The following RYR3 variants were observed in gnomAD, a reference collection of about 807,000 sequenced individuals.
The protein encoded by RYR3 is ryanodine receptor 3.
A neutral mutation model predicts 584.3 loss-of-function variants in RYR3; 207 were observed. The ratio of observed to expected loss-of-function variants is 0.35; its 90% CI spans 0.32 to 0.40. The LOEUF (loss-of-function observed/expected upper bound fraction) is 0.40, where lower values mean the gene tolerates loss of function less well. RYR3 is among the 10% of genes least tolerant of loss of function. The pLI, the probability that RYR3 is intolerant of heterozygous loss-of-function variation, is 1.00. For synonymous variants in RYR3, 2,416 were observed against 2,248.5 expected (o/e 1.07, Z -2.11); for missense variants, 5,616 against 6,089.2 (o/e 0.92, Z 2.59).
chr15:33,831,130 C>T, intron 86 of RYR3, 39 bp downstream of exon 86: 1 of 1,588,478 alleles, frequency 6.3e-7, no homozygotes. Context: ...ACAAAGAGAA[C>T]ATTGTTGATA....
chr15:33,374,458 G>T (rs2040579372), intron 1 of RYR3, among the ~76,000 whole-genome samples: 1 of 151,718 alleles, frequency 6.6e-6, no homozygotes, highest in African/African-American at 2.4e-5. Context: ...ACGTCAGCCA[G>T]ATCTCATTTT....
In RYR3 at chr15:33,811,122, CT is replaced by C. The variant is rs1357780944; in HGVS notation, c.10257+87del. 10 of 1,107,328 alleles carry C rather than the reference CT, an allele frequency of 9.0e-6. No homozygotes were observed. The Admixed American group carries it at 2.0e-4, about 22-fold the overall frequency. The allele number at this position is 1,107,328 out of a possible 1,614,324, so 68.6% of individuals were successfully genotyped here. ...CAGCTTTTCACTTCATTTACTCATGCTTCTTATATGTGTTCCAAAAACAGTT... is the reference window on the plus strand; with the variant it reads ...CAGCTTTTCACTTCATTTACTCATGCTCTTATATGTGTTCCAAAAACAGTT... On this transcript the variant is annotated intron_variant, in intron 72 of 103. Transcript: ENST00000634891.
intron 1 of RYR3, among the ~76,000 whole-genome samples, chr15:33,353,203 G>A (rs983875287): frequency 1.3e-5 from 2 of 152,150 alleles, no homozygotes; most frequent in African/African-American, 4.8e-5. Context: ...AGCCAAGTCC[G>A]ATTTTTGCCT....
At chr15:33,629,882 C>T in intron 21 of RYR3, 58 bp from the exon 22 acceptor site, 1 of 893,726 alleles carries the variant, frequency 1.1e-6, no homozygotes, top group Non-Finnish European at 1.8e-6. Context: ...TTCTGTTTTC[C>T]CATGCAGTGC....
chr15:33,854,529 C>A, intron 97 of RYR3, 80 bp downstream of exon 97: 1 of 1,216,510 alleles, frequency 8.2e-7, no homozygotes, highest in Non-Finnish European at 1.2e-6. Context: ...GCAGGATGCT[C>A]AGAAGGGTTC....
intron 55 of RYR3, 29 bp downstream of exon 55, chr15:33,748,559 C>A (rs1384250389): frequency 5.0e-6 from 8 of 1,584,456 alleles, no homozygotes; most frequent in Non-Finnish European, 6.1e-6. Context: ...GCATGACTTG[C>A]TTTCAAGTGC....
At chr15:33,356,338 T>C (rs1973970682) in intron 1 of RYR3, among the ~76,000 whole-genome samples, 1 of 152,218 alleles carries the variant, frequency 6.6e-6, no homozygotes, top group African/African-American at 2.4e-5. Flanking sequence ...TGTGATATGC[T>C]GTGTCTAAAT....
chr15:33,860,793 TTCTCTGCACCCTGC>T (rs1887897081), intron 101 of RYR3, 134 bp downstream of exon 101: 1 of 740,624 alleles, frequency 1.4e-6, no homozygotes, highest in African/African-American at 1.8e-5. Flanking sequence ...CCATGCCCTG[TTCTCTGCACCCTGC>T]CATACCCCTG....
chr15:33,579,883 C>T lies in RYR3; in HGVS notation c.1269-93C>T, dbSNP rs891163240. On this transcript the variant is annotated intron_variant, in intron 12 of 103. Coordinates refer to ENST00000634891, the MANE Select transcript of RYR3 (RefSeq NM_001036.6). ...CCCAAGGAAGCAACTCATGGTGCAC[C>T]GTGGGGGGCTGTTAGGAGTGGGACC... 17 of 917,656 alleles carry T rather than the reference C, an allele frequency of 1.9e-5. 1 individual carries two copies. Among genetic ancestry groups the T allele is most frequent in the African/African-American group, 1.7e-4 (10 of 60,470 alleles). 56.8% of individuals were successfully genotyped at this position (917,656 alleles called of 1,614,324 possible).
chr15:33,392,300 C>T (rs1046721920), intron 1 of RYR3, among the ~76,000 whole-genome samples: 1 of 151,058 alleles, frequency 6.6e-6, no homozygotes, highest in African/African-American at 2.4e-5. Flanking sequence ...TCCAAATAAA[C>T]GACTTGTGCT....
intron 5 of RYR3, among the ~76,000 whole-genome samples, chr15:33,536,998 A>G (rs2055387924): frequency 6.6e-6 from 1 of 152,178 alleles, no homozygotes; most frequent in Non-Finnish European, 1.5e-5. Flanking sequence ...CCATCCTTCC[A>G]ATAGATTTTC....
intron 3 of RYR3, among the ~76,000 whole-genome samples, chr15:33,524,414 A>G (rs967135158): frequency 6.6e-6 from 1 of 152,304 alleles, no homozygotes; most frequent in South Asian, 2.1e-4. Context: ...TTACTAGGTA[A>G]TATTTTTCTT....
chr15:33,554,291 C>CTTT (rs71117147), intron 10 of RYR3, among the ~76,000 whole-genome samples: 11 of 126,504 alleles, frequency 8.7e-5, no homozygotes, highest in African/African-American at 3.0e-4. Context: ...CCTCCATTAT[C>CTTT]TTTTTTTTTT....
chr15:33,598,494 C>T (rs2059498973), intron 16 of RYR3, among the ~76,000 whole-genome samples: 1 of 152,014 alleles, frequency 6.6e-6, no homozygotes, highest in African/African-American at 2.4e-5. Flanking sequence ...TAAGTGTAAG[C>T]AGAAATTAAT....
chr15:33,579,010 C>CA (rs2058459712), intron 12 of RYR3, among the ~76,000 whole-genome samples: 1 of 151,776 alleles, frequency 6.6e-6, no homozygotes, highest in Non-Finnish European at 1.5e-5. Flanking sequence ...GGTTTAATTA[C>CA]AAAAAATTGG....
chr15:33,367,488 A>G (rs911816590), intron 1 of RYR3, among the ~76,000 whole-genome samples: 4 of 152,226 alleles, frequency 2.6e-5, no homozygotes, highest in African/African-American at 9.6e-5. Context: ...GGGGCTTTCT[A>G]TCTAACCTTC....
At chr15:33,445,325 A>G (rs533743006) in intron 1 of RYR3, among the ~76,000 whole-genome samples, 3 of 152,256 alleles carry the variant, frequency 2.0e-5, no homozygotes, top group African/African-American at 4.8e-5. Flanking sequence ...GGAGGAACCA[A>G]GAAGGAATCT....
At chr15:33,587,083 A>C (rs1402567102) in intron 16 of RYR3, among the ~76,000 whole-genome samples, 1 of 152,090 alleles carries the variant, frequency 6.6e-6, no homozygotes, top group East Asian at 1.9e-4. Context: ...GGCAGCATAG[A>C]CTGTATGACA....
intron 1 of RYR3, among the ~76,000 whole-genome samples, chr15:33,318,907 A>ACGT (rs1458492455): frequency 6.6e-6 from 1 of 152,198 alleles, no homozygotes; most frequent in Non-Finnish European, 1.5e-5. Context: ...ATTCATTAAC[A>ACGT]CGTCACTCAT....
Sources: gnomAD v4.1 joint callset for allele counts (sites outside exome capture counted in the v4.1 genomes callset) on GRCh38, gnomAD v4.1.1 for gene constraint, MANE v1.5 for transcripts, NCBI Gene and HGNC (gene_info 2026-07-23, HGNC 2026-07-21) for gene names.